Variants in PHACTR1 observed in about 807,000 individuals in gnomAD.
PHACTR1 encodes the protein phosphatase and actin regulator 1, also known as RPEL repeat containing 1.
A neutral mutation model predicts 69.2 loss-of-function variants in PHACTR1; 16 were observed. The ratio of observed to expected loss-of-function variants is 0.23; its 90% CI spans 0.16 to 0.35. The LOEUF is 0.35. Ranked by LOEUF, PHACTR1 falls within the 10% of genes least tolerant of loss-of-function variation. The pLI is 1.00. For missense variants in PHACTR1, 510 were observed against 734.7 expected, an observed-to-expected ratio of 0.69 and a Z score of 3.54; for synonymous variants, 312 against 284.5, an observed-to-expected ratio of 1.10 and a Z score of -0.97.
intron 10 of PHACTR1, among the ~76,000 whole-genome samples, chr6:13,269,362 G>A (rs1037359936): frequency 1.3e-5 from 2 of 152,180 alleles, no homozygotes; most frequent in Non-Finnish European, 2.9e-5. Context: ...TCTGACACCG[G>A]CTCACTCAGT....
chr6:13,233,640 C>A (rs950431515), intron 10 of PHACTR1, among the ~76,000 whole-genome samples: 10 of 152,100 alleles, frequency 6.6e-5, no homozygotes, highest in African/African-American at 2.4e-4. Context: ...ATCATGAGAA[C>A]AGCATGAGGG....
rs1376871371 is a variant in PHACTR1 at position 13,126,170 on chromosome 6, TGTGA to T, written c.416-34030_416-34027del. On this transcript the variant is annotated intron_variant, in intron 5 of 14. Coordinates refer to ENST00000332995, the MANE Select transcript of PHACTR1 (RefSeq NM_030948.6). ...AAATCATACAACTGAATTGGCTGTG[TGTGA>T]GTGTGTGTAAATTAGAATTTATGTT... Among the ~76,000 whole-genome samples the T allele has an allele frequency of 2.1e-4, 32 of 152,272 alleles. No individual in the cohort carries two copies. In the East Asian group the frequency reaches 4.2e-3, roughly 20 times the overall value.
intron 10 of PHACTR1, among the ~76,000 whole-genome samples, chr6:13,250,312 A>C (rs1774205504): frequency 1.3e-5 from 2 of 152,232 alleles, no homozygotes; most frequent in African/African-American, 4.8e-5. Flanking sequence ...ATTCATCCTC[A>C]CACACATAGG....
chr6:12,824,323 T>C (rs1776548429), intron 4 of PHACTR1, among the ~76,000 whole-genome samples: 1 of 152,212 alleles, frequency 6.6e-6, no homozygotes, highest in Admixed American at 6.5e-5. Context: ...AGCTGTATAA[T>C]TATTTCATTA....
intron 5 of PHACTR1, among the ~76,000 whole-genome samples, chr6:13,065,453 C>T (rs779550459): frequency 2.0e-5 from 3 of 151,618 alleles, no homozygotes; most frequent in East Asian, 1.9e-4. Context: ...AGATGGTGTC[C>T]GGTGGGCATA....
intron 5 of PHACTR1, among the ~76,000 whole-genome samples, chr6:13,068,590 T>G (rs1809027437): frequency 6.6e-6 from 1 of 152,164 alleles, no homozygotes; most frequent in Non-Finnish European, 1.5e-5. Flanking sequence ...AGTGCTGAGT[T>G]TAGGAGCCTG....
intron 5 of PHACTR1, among the ~76,000 whole-genome samples, chr6:13,125,789 A>C (rs1368202848): frequency 2.0e-5 from 3 of 151,950 alleles, no homozygotes; most frequent in African/African-American, 7.3e-5. Context: ...AATTAGCCAG[A>C]CTTGGTGGTG....
In PHACTR1 at chr6:12,871,458, C is replaced by T. The variant is rs377429166; in HGVS notation, c.250+121668C>T. Reference sequence around the variant, plus strand: ...TTTAAGTCTCAATGTATGAGAGTTCCCCCTTTGATTATGTGGTTTGTTATG... The same window carrying T: ...TTTAAGTCTCAATGTATGAGAGTTCTCCCTTTGATTATGTGGTTTGTTATG... On this transcript the variant is annotated intron_variant, in intron 4 of 14. Coordinates refer to ENST00000332995, the MANE Select transcript of PHACTR1 (RefSeq NM_030948.6). 1.4e-4 allele frequency among the ~76,000 whole-genome samples: 21 copies of T among 152,120 alleles called. No homozygotes were observed. The East Asian group carries it at 3.7e-3, about 27-fold the overall frequency.
At chr6:13,041,607 A>G (rs1804186538) in intron 4 of PHACTR1, among the ~76,000 whole-genome samples, 2 of 152,186 alleles carry the variant, frequency 1.3e-5, no homozygotes, top group African/African-American at 2.4e-5. Context: ...CTCAAATGGA[A>G]TGTAAAGTTT....
At chr6:12,732,640 T>C (rs1308207038) in intron 3 of PHACTR1, among the ~76,000 whole-genome samples, 1 of 152,312 alleles carries the variant, frequency 6.6e-6, no homozygotes, top group East Asian at 1.9e-4. Flanking sequence ...TCCATGTCCC[T>C]GCAAAGGACA....
chr6:13,053,915 G>T (rs976806089), intron 5 of PHACTR1, among the ~76,000 whole-genome samples: 12 of 152,154 alleles, frequency 7.9e-5, no homozygotes, highest in African/African-American at 2.7e-4. Context: ...AAGTTATATG[G>T]TTACTGGCAG....
rs1364383585 is a variant in PHACTR1, at chr6:13,227,822, G to A, written c.993G>A (p.Glu331=). 1 of 1,613,740 alleles carries A rather than the reference G, an allele frequency of 6.2e-7. No homozygotes were observed. Among genetic ancestry groups the A allele is most frequent in the Non-Finnish European group, 8.5e-7 (1 of 1,179,672 alleles). The change falls in exon 9 of 15, where the codon GAG becomes GAA. Residue 331 remains glutamate (E), a synonymous_variant. Transcript: ENST00000332995. ...AMTMQRLESS[E]QRVPCSTSYH... The stretch of plus-strand genomic sequence containing the variant: ...CCTCCTTGTCTTTAAACAGCTCTGA[G>A]CAGCGGGTCCCCTGTTCCACTTCTT...
chr6:12,764,670 T>C (rs1408570247), intron 4 of PHACTR1, among the ~76,000 whole-genome samples: 1 of 152,178 alleles, frequency 6.6e-6, no homozygotes. Flanking sequence ...AAATTCCTTA[T>C]GGTGGTGAAG....
intron 4 of PHACTR1, among the ~76,000 whole-genome samples, chr6:12,844,019 T>C (rs1778951583): frequency 6.6e-6 from 1 of 152,236 alleles, no homozygotes; most frequent in Non-Finnish European, 1.5e-5. Context: ...AGTCAATCTT[T>C]GAAGACATGA....
In PHACTR1 at chr6:13,230,147, G is replaced by A. The variant is rs1179044057; in HGVS notation, c.1345G>A (p.Glu449Lys). Residue 449 changes from glutamate to lysine, a missense_variant, in exon 10 of 15, where the codon GAG becomes AAG. By Grantham distance (56) the Glu-to-Lys change is moderately conservative. This residue lies in a region of PHACTR1 where 91 missense variants were observed against 203.8 expected (regional missense o/e 0.45). Coordinates refer to ENST00000332995, the MANE Select transcript of PHACTR1 (RefSeq NM_030948.6). ...GAACATCCTTCCCAGGCAGACGGAT[G>A]AGGAGCGGCTGGAGCTGAGGCAACA... ...EKNILPRQTD[E>K]ERLELRQQIG... The A allele has an allele frequency of 6.2e-7, 1 of 1,611,796 alleles. No homozygotes were observed. The highest frequency in any genetic ancestry group is 8.5e-7 in the Non-Finnish European group (1 of 1,179,126).
intron 4 of PHACTR1, among the ~76,000 whole-genome samples, chr6:12,890,769 A>C (rs1333840693): frequency 6.6e-6 from 1 of 152,106 alleles, no homozygotes; most frequent in South Asian, 2.1e-4. Flanking sequence ...ACACTGCCCC[A>C]CCACACTTCT....
At chr6:13,227,717 C>T (rs1260993661) in intron 8 of PHACTR1, 99 bp from the exon 9 acceptor site, 2 of 1,456,426 alleles carry the variant, frequency 1.4e-6, no homozygotes, top group Non-Finnish European at 9.3e-7. Flanking sequence ...GACCCTTTGT[C>T]TCTTAGGACT....
chr6:12,962,761 C>T (rs761871164), intron 4 of PHACTR1, among the ~76,000 whole-genome samples: 9 of 152,268 alleles, frequency 5.9e-5, no homozygotes, highest in African/African-American at 1.7e-4. Context: ...CCTTTGAGGT[C>T]AAAAGGATTA....
chr6:12,901,377 A>G (rs964352678), intron 4 of PHACTR1, among the ~76,000 whole-genome samples: 4 of 152,216 alleles, frequency 2.6e-5, no homozygotes, highest in African/African-American at 9.6e-5. Flanking sequence ...TGGTAATGTG[A>G]TCCAAAAAGC....
Sources: allele counts gnomAD v4.1 joint callset (sites outside exome capture counted in the v4.1 genomes callset), GRCh38; gene constraint gnomAD v4.1.1; regional missense constraint gnomAD v4.1.1; transcripts MANE v1.5; gene names NCBI Gene and HGNC (gene_info 2026-07-23, HGNC 2026-07-21).